The following RORA variants were observed in gnomAD, a reference collection of about 807,000 sequenced individuals.
RORA encodes the protein nuclear receptor ROR-alpha.
A neutral mutation model predicts 69.5 loss-of-function variants in RORA; 7 were observed. That is an observed-to-expected ratio of 0.10 (90% CI 0.06 to 0.19). The LOEUF (loss-of-function observed/expected upper bound fraction) is 0.19. Ranked by LOEUF, RORA falls within the 10% of genes least tolerant of loss-of-function variation. The probability of loss-of-function intolerance (pLI) is 1.00; values close to 1 mark genes in which losing one functional copy is unlikely to be tolerated. For missense variants in RORA, 457 were observed against 663.0 expected, an observed-to-expected ratio of 0.69 and a Z score of 3.41; for synonymous variants, 261 against 240.8, an observed-to-expected ratio of 1.08 and a Z score of -0.78.
intron 1 of RORA, among the ~76,000 whole-genome samples, chr15:61,040,059 G>A (rs1233582993): frequency 7.2e-6 from 1 of 139,112 alleles, no homozygotes; most frequent in African/African-American, 2.7e-5. Context: ...CGTAAATTGT[G>A]TGTATCACCC....
intron 1 of RORA, among the ~76,000 whole-genome samples, chr15:60,803,055 C>T (rs1034475372): frequency 3.9e-5 from 6 of 152,148 alleles, no homozygotes; most frequent in African/African-American, 1.4e-4. Flanking sequence ...AGTCCTAAAC[C>T]TAACAGCTTG....
chr15:61,122,449 G>T (rs1035345981), intron 1 of RORA, among the ~76,000 whole-genome samples: 4 of 152,156 alleles, frequency 2.6e-5, no homozygotes, highest in Non-Finnish European at 5.9e-5. Context: ...ATGAGGAAAA[G>T]AAGACTCAGG....
chr15:61,081,452 C>T (rs1419737508), intron 1 of RORA, among the ~76,000 whole-genome samples: 2 of 152,132 alleles, frequency 1.3e-5, no homozygotes, highest in African/African-American at 2.4e-5. Flanking sequence ...TTTGAATATA[C>T]ACTGGTCTTA....
intron 1 of RORA, among the ~76,000 whole-genome samples, chr15:61,005,734 T>G (rs1477633153): frequency 6.6e-6 from 1 of 152,188 alleles, no homozygotes; most frequent in Non-Finnish European, 1.5e-5. Context: ...TATTGTGGCC[T>G]TTTCACAAAT....
chr15:60,748,149 T>C (rs1276268189), intron 1 of RORA, among the ~76,000 whole-genome samples: 2 of 152,184 alleles, frequency 1.3e-5, no homozygotes, highest in Non-Finnish European at 2.9e-5. Context: ...ATGAAAAGAT[T>C]TGCTTTTAAG....
intron 1 of RORA, among the ~76,000 whole-genome samples, chr15:60,945,909 C>T (rs908114680): frequency 2.6e-5 from 4 of 152,190 alleles, no homozygotes; most frequent in African/African-American, 9.7e-5. Flanking sequence ...CTTTTTCACA[C>T]AGGTGATGAT....
chr15:61,098,179 T>A (rs2078822279), intron 1 of RORA, among the ~76,000 whole-genome samples: 1 of 113,476 alleles, frequency 8.8e-6, no homozygotes, highest in Admixed American at 1.1e-4. Flanking sequence ...CCCCCTTCCC[T>A]GCCTCCCTCC....
chr15:61,192,932 G>C (rs907157426), intron 1 of RORA, among the ~76,000 whole-genome samples: 3 of 152,128 alleles, frequency 2.0e-5, no homozygotes, highest in African/African-American at 7.2e-5. Context: ...CAACAGAACA[G>C]TGTTTGCACA....
At chr15:60,515,967 ATATATT>A (rs2065871966) in intron 3 of RORA, among the ~76,000 whole-genome samples, 1 of 13,308 alleles carries the variant, frequency 7.5e-5, no homozygotes, top group Admixed American at 1.5e-3. Context: ...TTATATTTAT[ATATATT>A]TATATATTTA....
intron 1 of RORA, among the ~76,000 whole-genome samples, chr15:60,928,611 T>C (rs1892283801): frequency 1.3e-5 from 2 of 152,186 alleles, no homozygotes; most frequent in African/African-American, 4.8e-5. Context: ...TTATACCCCT[T>C]AGAACTGAAA....
chr15:60,826,931 T>C (rs999627017), intron 1 of RORA, among the ~76,000 whole-genome samples: 2 of 152,196 alleles, frequency 1.3e-5, no homozygotes, highest in Non-Finnish European at 2.9e-5. Flanking sequence ...GGAAACTCCA[T>C]AACTTTCAGT....
At chr15:61,182,695 A>G (rs113944768) in intron 1 of RORA, among the ~76,000 whole-genome samples, 1,905 of 152,364 alleles carry the variant, frequency 0.013, 15 homozygotes, top group Non-Finnish European at 0.018. Flanking sequence ...GTGACTTTAT[A>G]GTGGAGATGG....
In RORA at chr15:60,945,508, C is replaced by A. The variant is rs537574483; in HGVS notation, c.167-266822G>T. 3.3e-5 allele frequency among the ~76,000 whole-genome samples: 5 copies of A among 152,166 alleles called. 1 individual carries two copies. The highest frequency in any genetic ancestry group is 4.1e-4 in the South Asian group (2 of 4,824). ...ATAAGGCTCTCCAGGCTACAACTAC[C>A]GAGAACAGTGCTTGTTAGAAAAAAT... On this transcript the variant is annotated intron_variant, in intron 1 of 10. Transcript: ENST00000335670.
intron 1 of RORA, among the ~76,000 whole-genome samples, chr15:61,204,649 A>G (rs1434312505): frequency 4.6e-5 from 7 of 152,204 alleles, no homozygotes; most frequent in Admixed American, 2.0e-4. Flanking sequence ...TGAGATTTGC[A>G]TTTCCAAAAA....
chr15:60,506,287 T>C (rs2065497907), intron 5 of RORA, among the ~76,000 whole-genome samples: 1 of 152,104 alleles, frequency 6.6e-6, no homozygotes, highest in Non-Finnish European at 1.5e-5. Context: ...ATGGTACCTA[T>C]TTCACAGGGC....
chr15:60,595,889 C>T (rs1307533945), intron 2 of RORA, among the ~76,000 whole-genome samples: 2 of 152,130 alleles, frequency 1.3e-5, no homozygotes, highest in South Asian at 2.1e-4. Context: ...CACAGCCCCA[C>T]GTGGTGTTCC....
chr15:60,509,460 G>A (rs535319682), intron 5 of RORA, among the ~76,000 whole-genome samples: 2 of 152,334 alleles, frequency 1.3e-5, no homozygotes, highest in East Asian at 3.9e-4. Context: ...ACTTGTCCGG[G>A]AGCCTCAGGG....
At chr15:60,699,148 A>G (rs547955473) in intron 1 of RORA, among the ~76,000 whole-genome samples, 1 of 152,234 alleles carries the variant, frequency 6.6e-6, no homozygotes, top group African/African-American at 2.4e-5. Flanking sequence ...GGTTATTAAA[A>G]ATAATTCTAC....
At chr15:60,855,777 C>T (rs548161872) in intron 1 of RORA, among the ~76,000 whole-genome samples, 7 of 152,206 alleles carry the variant, frequency 4.6e-5, no homozygotes, top group South Asian at 2.1e-4. Context: ...CCACCACTCC[C>T]GGCTAATTTT....
Sources: allele counts gnomAD v4.1 joint callset (sites outside exome capture counted in the v4.1 genomes callset), GRCh38; gene constraint gnomAD v4.1.1; transcripts MANE v1.5; gene names NCBI Gene and HGNC (gene_info 2026-07-23, HGNC 2026-07-21).